PSD3: variants seen among roughly 807,000 people sequenced by gnomAD.
PSD3 encodes pleckstrin and Sec7 domain containing 3.
In PSD3, 49 loss-of-function variants were observed where a neutral mutation model predicts 105.5. The ratio of observed to expected loss-of-function variants is 0.46; its 90% confidence interval spans 0.37 to 0.59. The LOEUF (loss-of-function observed/expected upper bound fraction) is 0.59, where lower values mean the gene tolerates loss of function less well. Ranked by LOEUF, PSD3 falls within the 20% of genes least tolerant of loss-of-function variation. The pLI is 0.00. For synonymous variants in PSD3, 557 were observed against 457.8 expected, an observed-to-expected ratio of 1.22 and a Z score of -2.77; for missense variants, 1,561 against 1,263.8, an observed-to-expected ratio of 1.24 and a Z score of -3.57.
chr8:18,619,590 C>T (rs191647396), intron 11 of PSD3, among the ~76,000 whole-genome samples: 47 of 151,412 alleles, frequency 3.1e-4, no homozygotes, highest in African/African-American at 1.1e-3. Context: ...TTGTAGTGAG[C>T]TGAGATCACG....
intron 4 of PSD3, among the ~76,000 whole-genome samples, chr8:18,805,322 C>T (rs1811106602): frequency 6.6e-6 from 1 of 152,024 alleles, no homozygotes; most frequent in African/African-American, 2.4e-5. Flanking sequence ...TTTTTTAAAA[C>T]ACAAATTTCT....
chr8:18,762,940 A>G, intron 9 of PSD3: 1 of 1,283,528 alleles, frequency 7.8e-7, no homozygotes, highest in South Asian at 1.2e-5. Flanking sequence ...TTATGGAGAA[A>G]GACACCTCCA....
At chr8:18,865,241 T>C (rs1362161891) in intron 4 of PSD3, 10 of 4,048 alleles carry the variant, frequency 2.5e-3, no homozygotes, top group African/African-American at 3.9e-3. Context: ...TATATATATA[T>C]ATATATATAT....
chr8:18,777,575 A>G (rs1193001734), intron 8 of PSD3, among the ~76,000 whole-genome samples: 1 of 152,206 alleles, frequency 6.6e-6, no homozygotes, highest in East Asian at 1.9e-4. Context: ...TATGGGGTAC[A>G]TGTGATATTT....
At chr8:18,965,239 G>C (rs769904154) in intron 1 of PSD3, among the ~76,000 whole-genome samples, 113 of 152,130 alleles carry the variant, frequency 7.4e-4, no homozygotes, top group Non-Finnish European at 1.5e-3. Context: ...CAGAAATAAT[G>C]TCCTTCTGAA....
At chr8:18,770,302 C>T (rs1807396707) in intron 8 of PSD3, among the ~76,000 whole-genome samples, 1 of 152,002 alleles carries the variant, frequency 6.6e-6, no homozygotes, top group South Asian at 2.1e-4. Flanking sequence ...ATCCTATTTT[C>T]CCTTCTTATT....
intron 4 of PSD3, among the ~76,000 whole-genome samples, chr8:18,838,475 C>G (rs949950017): frequency 6.6e-6 from 1 of 152,100 alleles, no homozygotes; most frequent in Non-Finnish European, 1.5e-5. Context: ...GTTGGGGCAA[C>G]TGAGTATGTG....
chr8:18,568,309 T>C (rs547993928), intron 14 of PSD3, among the ~76,000 whole-genome samples: 22 of 129,368 alleles, frequency 1.7e-4, no homozygotes, highest in African/African-American at 6.3e-4. Context: ...GGCACAACAT[T>C]CTCCCTGTTT....
intron 9 of PSD3, among the ~76,000 whole-genome samples, chr8:18,676,767 A>T (rs1326293960): frequency 6.6e-6 from 1 of 152,102 alleles, no homozygotes. Context: ...TTTGCCTAAT[A>T]AAAAAACACC....
At chr8:18,885,453 T>C (rs986913951) in intron 2 of PSD3, among the ~76,000 whole-genome samples, 3 of 152,224 alleles carry the variant, frequency 2.0e-5, no homozygotes, top group Admixed American at 1.3e-4. Flanking sequence ...AAGAATTTGA[T>C]GTTTCAAAAA....
intron 1 of PSD3, among the ~76,000 whole-genome samples, chr8:19,048,032 C>T (rs1227460158): frequency 1.3e-5 from 2 of 152,236 alleles, no homozygotes; most frequent in African/African-American, 2.4e-5. Context: ...ATTCCTGGCT[C>T]GCCCAAACCT....
intron 9 of PSD3, chr8:18,683,801 G>A (rs1485322900): frequency 1.3e-6 from 1 of 765,290 alleles, no homozygotes; most frequent in African/African-American, 1.7e-5. Flanking sequence ...AAAACTCTGA[G>A]GAGTTGGAAA....
intron 9 of PSD3, among the ~76,000 whole-genome samples, chr8:18,755,469 T>TAACATAACATAACATAAC (rs1563228654): frequency 4.6e-5 from 7 of 151,848 alleles, no homozygotes; most frequent in African/African-American, 1.7e-4. Flanking sequence ...TAACATAACA[T>TAACATAACATAACATAAC]AACATAACAT....
intron 9 of PSD3, among the ~76,000 whole-genome samples, chr8:18,723,777 T>C (rs1402921878): frequency 1.3e-5 from 2 of 152,192 alleles, no homozygotes; most frequent in Non-Finnish European, 2.9e-5. Flanking sequence ...TAAAAATAAA[T>C]ACATTTTAAG....
intron 11 of PSD3, among the ~76,000 whole-genome samples, chr8:18,618,469 A>G (rs375300427): frequency 2.0e-5 from 3 of 151,314 alleles, no homozygotes; most frequent in East Asian, 3.9e-4. Context: ...CAACAATATC[A>G]TTTTTAAAAA....
chr8:18,847,266 T>A (rs1445825706), intron 4 of PSD3, among the ~76,000 whole-genome samples: 1 of 152,126 alleles, frequency 6.6e-6, no homozygotes, highest in African/African-American at 2.4e-5. Context: ...CTGGAAAAGG[T>A]GCAATTGGGG....
At chr8:18,981,324 A>AT (rs1223685449) in intron 1 of PSD3, among the ~76,000 whole-genome samples, 6 of 152,230 alleles carry the variant, frequency 3.9e-5, no homozygotes, top group African/African-American at 9.6e-5. Flanking sequence ...AAGTCCACTC[A>AT]TTATTGAAGC....
intron 9 of PSD3, among the ~76,000 whole-genome samples, chr8:18,759,312 C>T (rs527277261): frequency 4.6e-5 from 7 of 152,176 alleles, no homozygotes; most frequent in East Asian, 1.9e-4. Context: ...TATTTCCCTA[C>T]GTTTTTAAAT....
Position 18,987,709 on chromosome 8 carries a change from C to T in PSD3, c.21+25854G>A, listed in dbSNP as rs138845513. 7.2e-3 allele frequency among the ~76,000 whole-genome samples: 1,089 copies of T among 152,088 alleles called. 28 individuals are homozygous for T. Among genetic ancestry groups the T allele is most frequent in the East Asian group, 0.047 (243 of 5,152 alleles). Reference sequence around the variant, plus strand: ...GTGGCACGTGCTATAGTCCTAGCTACATAGGAGGCTGAGGTGAGAGAATCA... The same window carrying T: ...GTGGCACGTGCTATAGTCCTAGCTATATAGGAGGCTGAGGTGAGAGAATCA... On this transcript the variant is annotated intron_variant, in intron 1 of 15. Coordinates refer to ENST00000327040, the MANE Select transcript of PSD3 (RefSeq NM_015310.4).
Sources: allele counts gnomAD v4.1 joint callset (sites outside exome capture counted in the v4.1 genomes callset), GRCh38; gene constraint gnomAD v4.1.1; transcripts MANE v1.5; gene names NCBI Gene and HGNC (gene_info 2026-07-23, HGNC 2026-07-21).